The following DIP2A variants were observed in gnomAD, a reference collection of about 807,000 sequenced individuals.
DIP2A encodes the protein disco-interacting protein 2 homolog A.
A neutral mutation model predicts 177.4 loss-of-function variants in DIP2A; 85 were observed. The observed-to-expected ratio is 0.48, with a 90% CI of 0.40 to 0.57. The LOEUF (loss-of-function observed/expected upper bound fraction) is 0.57, where lower values mean the gene tolerates loss of function less well. Among genes scored for constraint, DIP2A ranks in the 20% least tolerant of loss-of-function variants. The pLI is 0.00. For synonymous variants in DIP2A, 886 were observed against 881.8 expected (o/e 1.00, Z -0.08); for missense variants, 1,791 against 2,100.2 (o/e 0.85, Z 2.88).
Position 46,568,374 on chromosome 21 carries a change from G to T in DIP2A, c.*752G>T. 1 of 152,202 alleles carries T rather than the reference G, an allele frequency of 6.6e-6. No homozygotes were observed. The highest frequency in any genetic ancestry group is 1.9e-4 in the East Asian group (1 of 5,198). The allele number at this position is 152,202 out of a possible 1,614,324, so 9.4% of individuals were successfully genotyped here. A position where few individuals can be genotyped will look rare whatever the true frequency, so the allele number is the denominator to read the frequency against. On this transcript the variant is annotated 3_prime_UTR_variant, in exon 38 of 38. Transcript: ENST00000417564. ...TCTCTACTAAAAATACAAAAAATTAGCCGGGTGTGGTGGTGGGCGCCTGTA... is the reference window on the plus strand; with the variant it reads ...TCTCTACTAAAAATACAAAAAATTATCCGGGTGTGGTGGTGGGCGCCTGTA...
At chr21:46,516,297 T>A (rs1345622919) in intron 8 of DIP2A, among the ~76,000 whole-genome samples, 1 of 152,036 alleles carries the variant, frequency 6.6e-6, no homozygotes, top group Non-Finnish European at 1.5e-5. Flanking sequence ...CCATCTTCTC[T>A]TACTATATTG....
intron 36 of DIP2A, 119 bp downstream of exon 36, chr21:46,566,006 T>TTG (rs537814460): frequency 0.063 from 75,197 of 1,198,968 alleles, 2,795 homozygotes; most frequent in Non-Finnish European, 0.073. Context: ...TTGCTCCTTG[T>TTG]GGGGGGAAGA....
At position 46,555,743 on chromosome 21, in the gene DIP2A, G is replaced by A. The variant is rs148659924; in HGVS notation, c.3389-239G>A. ...ATGCCTCCCCTCTTCGCCCTGCCTCGTCCCCCATCCCCACAGGCTCAGTGT... is the reference window on the plus strand; with the variant it reads ...ATGCCTCCCCTCTTCGCCCTGCCTCATCCCCCATCCCCACAGGCTCAGTGT... On this transcript the variant is annotated intron_variant, in intron 28 of 37. Coordinates refer to ENST00000417564, the MANE Select transcript of DIP2A (RefSeq NM_015151.4). 3,119 of 534,860 alleles carry A rather than the reference G, an allele frequency of 5.8e-3. 8 individuals carry two copies. The highest frequency in any genetic ancestry group is 0.019 in the Middle Eastern group (38 of 1,984). The allele number at this position is 534,860 out of a possible 1,614,324, so 33.1% of individuals were successfully genotyped here.
chr21:46,578,194 C>A, the DIP2A span, among the ~76,000 whole-genome samples: 1 of 152,150 alleles, frequency 6.6e-6, no homozygotes, highest in African/African-American at 2.4e-5. Flanking sequence ...TGCCTGTAGT[C>A]CCAGCTACTC....
intron 2 of DIP2A, 103 bp downstream of exon 2, chr21:46,484,931 C>T (rs1470310089): frequency 4.8e-6 from 5 of 1,040,404 alleles, no homozygotes; most frequent in Non-Finnish European, 6.8e-6. Flanking sequence ...AATGTTAAAC[C>T]AACTTTAAAC....
At chr21:46,516,304 A>G (rs900221813) in intron 8 of DIP2A, among the ~76,000 whole-genome samples, 5 of 151,428 alleles carry the variant, frequency 3.3e-5, no homozygotes, top group South Asian at 4.2e-4. Flanking sequence ...CTCTTACTAT[A>G]TTGCTTCTTC....
Position 46,563,857 on chromosome 21 carries a change from G to T in DIP2A, c.4090-1G>T. 6.2e-7 allele frequency: 1 copy of T among 1,613,354 alleles called. No homozygotes were observed. The highest frequency in any genetic ancestry group is 8.5e-7 in the Non-Finnish European group (1 of 1,179,790). On this transcript the variant is annotated splice_acceptor_variant, in intron 34 of 37. Transcript: ENST00000417564. LOFTEE classifies it high-confidence loss of function. This position sits in a 1 kb window ranked among gnomAD's most constrained non-coding sequence, Gnocchi z 4.3. ...AAGGGACATAGCTCTCCTCCTTCCA[G>T]ATCCTCCCCGGCGTGAAGGTCATCA...
intron 6 of DIP2A, among the ~76,000 whole-genome samples, chr21:46,504,914 AAATCGGTGCAACAGC>A (rs1434507111): frequency 1.3e-5 from 2 of 152,244 alleles, no homozygotes; most frequent in Non-Finnish European, 1.5e-5. Context: ...GCAGACTGTG[AAATCGGTGCAACAGC>A]AATCATGGTT....
chr21:46,542,641 C>T (rs753613159), intron 18 of DIP2A, among the ~76,000 whole-genome samples: 6 of 152,244 alleles, frequency 3.9e-5, no homozygotes, highest in Admixed American at 6.5e-5. Flanking sequence ...GACACTGCCA[C>T]GTGGTCTGAG....
intron 8 of DIP2A, among the ~76,000 whole-genome samples, chr21:46,515,414 T>C (rs2058525974): frequency 6.6e-6 from 1 of 152,068 alleles, no homozygotes; most frequent in African/African-American, 2.4e-5. Flanking sequence ...TTTCTCAGCG[T>C]CTGCTTTGTG....
chr21:46,464,817 C>CTTTTTT (rs1168153777), intron 1 of DIP2A, among the ~76,000 whole-genome samples: 10 of 73,436 alleles, frequency 1.4e-4, no homozygotes, highest in Non-Finnish European at 2.2e-4. Flanking sequence ...ATATTCATGT[C>CTTTTTT]TTTTTTTTTT....
In DIP2A at chr21:46,567,358, TTC is replaced by T. The variant is rs1317200593; in HGVS notation, c.4464-6_4464-5del. ...CTGTATCCATGTGACCCAGTCTGTC[TTC>T]TCTCTGCAGTGCCGTATTCACCTGG... On this transcript the variant is annotated splice_polypyrimidine_tract_variant and intron_variant, in intron 37 of 37. Transcript: ENST00000417564. 51 of 1,608,798 alleles carry T rather than the reference TTC, an allele frequency of 3.2e-5. No individual in the cohort carries two copies. The highest frequency in any genetic ancestry group is 4.2e-5 in the Non-Finnish European group (50 of 1,176,718).
chr21:46,511,488 A>C lies in DIP2A; in HGVS notation c.976A>C (p.Thr326Pro), dbSNP rs201684735. Residue 326 changes from threonine to proline, a missense_variant, in exon 8 of 38, where the codon ACT (threonine) becomes CCT (proline). Coordinates refer to ENST00000417564, the MANE Select transcript of DIP2A (RefSeq NM_015151.4). ...GAGTGTGCTGAGAGGGGAGCCTCTC[A>C]CTGCAGGTGTCCCCCGACCGCCGTC... ...ETSVLRGEPL[T>P]AGVPRPPSLL... 94 of 1,613,304 alleles carry C rather than the reference A, an allele frequency of 5.8e-5. No individual in the cohort carries two copies. The African/African-American group carries it at 1.1e-3, about 20-fold the overall frequency.
rs2060926053 is a variant in DIP2A at position 46,569,586 on chromosome 21, A to AG, written c.*1966dup. On this transcript the variant is annotated 3_prime_UTR_variant, in exon 38 of 38. Transcript: ENST00000417564. ...TTGAAAGGTCAGTGGTGGTAAGACA[A>AG]GGTGTCTTGTAAATTAAGATTTTAA... 1 of 152,212 alleles carries AG rather than the reference A, an allele frequency of 6.6e-6. No individual in the cohort carries two copies. The highest frequency in any genetic ancestry group is 6.5e-5 in the Admixed American group (1 of 15,278). 9.4% of individuals were successfully genotyped at this position (152,212 alleles called of 1,614,324 possible). A position where few individuals can be genotyped will look rare whatever the true frequency, so the allele number is the denominator to read the frequency against.
chr21:46,517,648 G>T (rs891417085), intron 8 of DIP2A, among the ~76,000 whole-genome samples: 1 of 152,192 alleles, frequency 6.6e-6, no homozygotes, highest in Non-Finnish European at 1.5e-5. Flanking sequence ...ACCCCATTCT[G>T]CTTTTCAGAG....
At chr21:46,493,728 A>G (rs1465892670) in intron 3 of DIP2A, among the ~76,000 whole-genome samples, 5 of 152,160 alleles carry the variant, frequency 3.3e-5, no homozygotes, top group Non-Finnish European at 5.9e-5. Flanking sequence ...CTAGGTGTGA[A>G]TTCTTCACCT....
Position 46,550,535 on chromosome 21 carries a change from C to A in DIP2A, c.2638-8C>A. On this transcript the variant is annotated splice_polypyrimidine_tract_variant and splice_region_variant and intron_variant, in intron 22 of 37. Transcript: ENST00000417564. ...GGGCCTGTGCCAAACAGGGTCCTTC[C>A]CTTTCAGGCCATTGATAGCATCCAC... The A allele has an allele frequency of 6.2e-7, 1 of 1,610,288 alleles. No homozygotes were observed. Among genetic ancestry groups the A allele is most frequent in the East Asian group, 2.2e-5 (1 of 44,778 alleles).
chr21:46,565,779 G>C lies in DIP2A; in HGVS notation c.4231G>C (p.Ala1411Pro). 1 of 1,614,000 alleles carries C rather than the reference G, an allele frequency of 6.2e-7. No homozygotes were observed. Among genetic ancestry groups the C allele is most frequent in the Non-Finnish European group, 8.5e-7 (1 of 1,179,892 alleles). The change falls in exon 36 of 38, where the codon GCC becomes CCC. Residue 1411 changes from alanine (A) to proline (P), a missense_variant. Ala to Pro is a conservative substitution (Grantham distance 27, BLOSUM62 -1). Coordinates refer to ENST00000417564, the MANE Select transcript of DIP2A (RefSeq NM_015151.4). ...YTVYGEEALH[A>P]DHFSARLSFG... The stretch of plus-strand genomic sequence containing the variant: ...CGTTTACGGGGAGGAGGCGCTTCAT[G>C]CCGACCACTTCAGTGCCCGGCTGAG...
At chr21:46,510,587 TTAAAG>T (rs1252387453) in intron 7 of DIP2A, among the ~76,000 whole-genome samples, 7 of 151,754 alleles carry the variant, frequency 4.6e-5, no homozygotes, top group Admixed American at 2.6e-4. Flanking sequence ...AAAAACAAGA[TTAAAG>T]TAATCTTTTT....
Sources: allele counts gnomAD v4.1 joint callset (sites outside exome capture counted in the v4.1 genomes callset), GRCh38; gene constraint gnomAD v4.1.1; non-coding constraint Gnocchi (gnomAD v3.1); transcripts MANE v1.5; gene names NCBI Gene and HGNC (gene_info 2026-07-23, HGNC 2026-07-21).